STARD13: variants seen among roughly 807,000 people sequenced by gnomAD.
The protein encoded by STARD13 is StAR related lipid transfer domain containing 13.
In STARD13, 62 loss-of-function variants were observed where a neutral mutation model predicts 106.4. The ratio of observed to expected loss-of-function variants is 0.58; its 90% confidence interval spans 0.48 to 0.72. STARD13 has a LOEUF of 0.72. STARD13 is among the 30% of genes least tolerant of loss of function. The pLI is 0.00. For missense variants in STARD13, 1,387 were observed against 1,424.0 expected (o/e 0.97, Z 0.42); for synonymous variants, 565 against 553.0 (o/e 1.02, Z -0.31).
chr13:33,521,104 G>T, the STARD13 span, among the ~76,000 whole-genome samples: 1 of 152,064 alleles, frequency 6.6e-6, no homozygotes, highest in Non-Finnish European at 1.5e-5. Context: ...AGCTGGGAGA[G>T]CCCATGCCCT....
At chr13:33,391,207 T>A in the STARD13 span, among the ~76,000 whole-genome samples, 14 of 152,290 alleles carry the variant, frequency 9.2e-5, no homozygotes, top group African/African-American at 3.4e-4. Context: ...GGTTTAACAT[T>A]GTGATTGTGT....
chr13:33,369,675 T>C, the STARD13 span, among the ~76,000 whole-genome samples: 1 of 152,348 alleles, frequency 6.6e-6, no homozygotes, highest in East Asian at 1.9e-4. Flanking sequence ...AAAATGTGTA[T>C]ATATGTTCAT....
chr13:33,591,221 C>CT, the STARD13 span, among the ~76,000 whole-genome samples: 15 of 152,232 alleles, frequency 9.9e-5, no homozygotes, highest in Admixed American at 3.9e-4. Flanking sequence ...TCCATTTACT[C>CT]TGTCTTCCAG....
the STARD13 span, among the ~76,000 whole-genome samples, chr13:33,422,254 G>A: frequency 6.6e-6 from 1 of 152,084 alleles, no homozygotes; most frequent in East Asian, 1.9e-4. Context: ...AAAGTCTCAG[G>A]ATACAAAATC....
At chr13:33,458,815 CTTTTTTTTTTTT>C in the STARD13 span, among the ~76,000 whole-genome samples, 1 of 113,518 alleles carries the variant, frequency 8.8e-6, no homozygotes, top group Non-Finnish European at 1.8e-5. Context: ...AACATGTTTA[CTTTTTTTTTTTT>C]TTTTTTTTTT....
intron 3 of STARD13, among the ~76,000 whole-genome samples, chr13:33,143,975 G>C (rs1008179150): frequency 6.6e-6 from 1 of 152,122 alleles, no homozygotes; most frequent in Non-Finnish European, 1.5e-5. Flanking sequence ...TTTCATCCTT[G>C]ACATTCAAGA....
At chr13:33,341,507 C>T (rs1048020315) in intron 1 of STARD13, among the ~76,000 whole-genome samples, 5 of 150,844 alleles carry the variant, frequency 3.3e-5, no homozygotes, top group African/African-American at 4.9e-5. Flanking sequence ...GGTGTGGTGG[C>T]TTCAACTCGG....
chr13:33,662,635 C>T, the STARD13 span, among the ~76,000 whole-genome samples: 832 of 152,316 alleles, frequency 5.5e-3, 11 homozygotes, highest in African/African-American at 0.018. Flanking sequence ...TGGAAACAAA[C>T]CTCCCCCTCT....
the STARD13 span, among the ~76,000 whole-genome samples, chr13:33,673,531 G>GTT: frequency 6.7e-6 from 1 of 148,488 alleles, no homozygotes; most frequent in African/African-American, 2.6e-5. Context: ...ATAGATGGAA[G>GTT]CAGTCAGAAC....
the STARD13 span, among the ~76,000 whole-genome samples, chr13:33,501,147 T>C: frequency 2.1e-5 from 3 of 139,588 alleles, no homozygotes; most frequent in African/African-American, 5.5e-5. Flanking sequence ...GCAGTGGCAC[T>C]ATCTCAGGTC....
the STARD13 span, among the ~76,000 whole-genome samples, chr13:33,596,993 A>C: frequency 2.0e-5 from 3 of 152,176 alleles, no homozygotes; most frequent in African/African-American, 7.2e-5. Flanking sequence ...TGCTGCAATA[A>C]CTATAGGGGT....
chr13:33,563,592 A>G, the STARD13 span, among the ~76,000 whole-genome samples: 1 of 147,258 alleles, frequency 6.8e-6, no homozygotes, highest in African/African-American at 2.5e-5. Flanking sequence ...TGTATAAAAG[A>G]CTCAAATATA....
At chr13:33,120,426 G>T (rs1369848541) in intron 7 of STARD13, among the ~76,000 whole-genome samples, 1 of 152,192 alleles carries the variant, frequency 6.6e-6, no homozygotes, top group Non-Finnish European at 1.5e-5. Flanking sequence ...CAGCTCTCCA[G>T]CTGTGGGCTC....
At chr13:33,600,192 C>CA in the STARD13 span, among the ~76,000 whole-genome samples, 1 of 151,892 alleles carries the variant, frequency 6.6e-6, no homozygotes, top group Non-Finnish European at 1.5e-5. Context: ...GATCTGGATT[C>CA]AAAAAAAGTG....
the STARD13 span, among the ~76,000 whole-genome samples, chr13:33,581,563 C>G: frequency 7.9e-5 from 12 of 152,072 alleles, no homozygotes; most frequent in African/African-American, 2.9e-4. Context: ...TACTCTTCAT[C>G]CTATTTACGT....
chr13:33,476,453 C>T, the STARD13 span, among the ~76,000 whole-genome samples: 2 of 152,250 alleles, frequency 1.3e-5, no homozygotes, highest in East Asian at 3.9e-4. Flanking sequence ...TTATTGTGCA[C>T]TTGTTCTTAC....
chr13:33,412,936 C>T, the STARD13 span, among the ~76,000 whole-genome samples: 1 of 152,272 alleles, frequency 6.6e-6, no homozygotes, highest in South Asian at 2.1e-4. Context: ...AAGAACTCAA[C>T]AGCACCATCA....
Position 33,285,698 on chromosome 13 carries a change from T to G in STARD13, c.-60A>C. The G allele has an allele frequency of 1.9e-6, 3 of 1,595,326 alleles. No homozygotes were observed. The highest frequency in any genetic ancestry group is 2.3e-4 in the Middle Eastern group (1 of 4,352). Reference sequence around the variant, plus strand: ...TGTGGCTGTTGCCGTCTGTCTCCAGTCTCAGTCAAAGAGCAAGGCACCCAG... The same window carrying G: ...TGTGGCTGTTGCCGTCTGTCTCCAGGCTCAGTCAAAGAGCAAGGCACCCAG... On this transcript the variant is annotated 5_prime_UTR_variant, in exon 1 of 14. Coordinates refer to ENST00000336934, the MANE Select transcript of STARD13 (RefSeq NM_178006.4).
At chr13:33,589,649 C>T in the STARD13 span, among the ~76,000 whole-genome samples, 4 of 152,196 alleles carry the variant, frequency 2.6e-5, 1 homozygote, top group East Asian at 3.8e-4. Context: ...TTTGATTGCA[C>T]TGTGGTCTGA....
Sources: gnomAD v4.1 joint callset for allele counts (sites outside exome capture counted in the v4.1 genomes callset) on GRCh38, gnomAD v4.1.1 for gene constraint, MANE v1.5 for transcripts, NCBI Gene and HGNC (gene_info 2026-07-23, HGNC 2026-07-21) for gene names.